The following PDE4D variants were observed in gnomAD, a reference collection of about 807,000 sequenced individuals.
PDE4D encodes the protein phosphodiesterase 4D, also known as 3',5'-cyclic-AMP phosphodiesterase 4D.
PDE4D carries 24 observed loss-of-function variants against 87.4 expected under a neutral mutation model. That is an observed-to-expected ratio of 0.27 (90% CI 0.20 to 0.39). PDE4D has a LOEUF of 0.39. PDE4D is among the 10% of genes least tolerant of loss of function. The pLI is 1.00. For missense variants in PDE4D, 714 were observed against 1,041.0 expected, an observed-to-expected ratio of 0.69 and a Z score of 4.32; for synonymous variants, 384 against 383.2, an observed-to-expected ratio of 1.00 and a Z score of -0.02.
At position 59,213,494 on chromosome 5, in the gene PDE4D, C is replaced by A. The variant is rs180869598; in HGVS notation, c.647+2283G>T. ...CAGCAACTACAGCTCCATCTTTAAA[C>A]CCTCTTTCCCCTTGAATTTTTAGTC... On this transcript the variant is annotated intron_variant, in intron 2 of 14. Transcript: ENST00000340635. 1.8e-3 allele frequency among the ~76,000 whole-genome samples: 267 copies of A among 152,210 alleles called. 1 individual carries two copies. Among genetic ancestry groups the A allele is most frequent in the African/African-American group, 6.3e-3 (261 of 41,542 alleles).
chr5:59,432,839 A>G (rs1172496963), intron 1 of PDE4D, among the ~76,000 whole-genome samples: 1 of 152,176 alleles, frequency 6.6e-6, no homozygotes, highest in East Asian at 1.9e-4. Flanking sequence ...CTCAATGCAA[A>G]GTTAGTAAAT....
In PDE4D at chr5:59,403,004, A is replaced by G. The variant is rs187144605; in HGVS notation, c.456-187036T>C. Among the ~76,000 whole-genome samples the G allele has an allele frequency of 7.7e-4, 118 of 152,296 alleles. 1 individual carries two copies. The highest frequency in any genetic ancestry group is 1.5e-3 in the Non-Finnish European group (103 of 68,024). ...GCCATAATTATGTTTTATTTATGGA[A>G]CAACTTTTTGTTTTTTCTGGAGTTA... On this transcript the variant is annotated intron_variant, in intron 1 of 14. Coordinates refer to ENST00000340635, the MANE Select transcript of PDE4D (RefSeq NM_001104631.2).
At chr5:59,202,875 T>C (rs767086356) in intron 2 of PDE4D, among the ~76,000 whole-genome samples, 9 of 152,338 alleles carry the variant, frequency 5.9e-5, no homozygotes, top group Non-Finnish European at 1.0e-4. Flanking sequence ...CTCAGATATG[T>C]CTTTATCAGC....
intron 6 of PDE4D, among the ~76,000 whole-genome samples, chr5:59,018,420 T>G (rs971199828): frequency 1.6e-4 from 25 of 152,232 alleles, no homozygotes; most frequent in Non-Finnish European, 2.9e-4. Flanking sequence ...TTTAGTACAT[T>G]GAGTTAATAT....
At chr5:58,993,117 T>C (rs111471386) in intron 7 of PDE4D, among the ~76,000 whole-genome samples, 2,129 of 152,190 alleles carry the variant, frequency 0.014, 50 homozygotes, top group African/African-American at 0.049. Context: ...TTTGGTACTA[T>C]GAAAAAATGG....
chr5:59,629,090 A>G (rs951126409), intron 1 of PDE4D, among the ~76,000 whole-genome samples: 2 of 152,166 alleles, frequency 1.3e-5, no homozygotes, highest in East Asian at 1.9e-4. Context: ...ATTACCTCCC[A>G]CTTGGTCCCT....
intron 1 of PDE4D, among the ~76,000 whole-genome samples, chr5:59,242,859 A>G (rs1581565703): frequency 1.3e-5 from 2 of 152,306 alleles, no homozygotes; most frequent in South Asian, 4.1e-4. Context: ...GAGCATCAAC[A>G]TAAGAATTCT....
intron 5 of PDE4D, among the ~76,000 whole-genome samples, chr5:59,123,677 A>T (rs945510596): frequency 1.6e-4 from 25 of 152,336 alleles, no homozygotes; most frequent in African/African-American, 5.8e-4. Flanking sequence ...AGACACCGTG[A>T]CATCTAACAC....
intron 1 of PDE4D, among the ~76,000 whole-genome samples, chr5:59,239,449 C>G (rs1757196288): frequency 1.3e-5 from 2 of 152,144 alleles, no homozygotes; most frequent in Non-Finnish European, 2.9e-5. Flanking sequence ...GTCCAGGGGA[C>G]CCAGCTGCCA....
At chr5:59,179,577 G>T in intron 5 of PDE4D, 1 of 380,064 alleles carries the variant, frequency 2.6e-6, no homozygotes, top group East Asian at 8.2e-5. Context: ...CAGAAAAGAT[G>T]ACATTAACAA....
intron 2 of PDE4D, among the ~76,000 whole-genome samples, chr5:60,025,867 G>A (rs1662437396): frequency 1.3e-5 from 2 of 152,290 alleles, no homozygotes; most frequent in South Asian, 4.1e-4. Flanking sequence ...GGGCAATACA[G>A]TGAGACCCTG....
intron 2 of PDE4D, among the ~76,000 whole-genome samples, chr5:59,991,572 T>C (rs1309015163): frequency 6.6e-6 from 1 of 152,078 alleles, no homozygotes; most frequent in Non-Finnish European, 1.5e-5. Flanking sequence ...TTAGTCTCCA[T>C]AGGGATAAAA....
chr5:60,107,963 T>C (rs896942160), intron 2 of PDE4D, among the ~76,000 whole-genome samples: 4 of 152,080 alleles, frequency 2.6e-5, no homozygotes, highest in East Asian at 1.9e-4. Flanking sequence ...CAGGGATGCC[T>C]TCTCTCACCA....
intron 1 of PDE4D, among the ~76,000 whole-genome samples, chr5:59,386,980 T>C (rs997248982): frequency 6.6e-6 from 1 of 152,164 alleles, no homozygotes; most frequent in Non-Finnish European, 1.5e-5. Flanking sequence ...AATCATAATA[T>C]TTGAATTAGG....
At chr5:59,641,120 T>C (rs1388062648) in intron 1 of PDE4D, among the ~76,000 whole-genome samples, 2 of 152,206 alleles carry the variant, frequency 1.3e-5, no homozygotes, top group Admixed American at 6.5e-5. Context: ...CTTCCTAGTT[T>C]ATTTTAGAAA....
At position 59,840,983 on chromosome 5, in the gene PDE4D, C is replaced by T. The variant is rs190458; in HGVS notation, c.455+52185G>A. Among the ~76,000 whole-genome samples the T allele has an allele frequency of 2.0e-5, 3 of 151,820 alleles. No individual in the cohort carries two copies. In the East Asian group the frequency reaches 5.8e-4, roughly 29 times the overall value. ...AGTAAGAGAGGTAAAATGTTTTGTC[C>T]CAAGGTGTAGCAAACACTGTTGGCT... On this transcript the variant is annotated intron_variant, in intron 1 of 14. Transcript: ENST00000340635.
chr5:60,253,170 G>C (rs112150550), intron 1 of PDE4D, among the ~76,000 whole-genome samples: 2,120 of 152,004 alleles, frequency 0.014, 24 homozygotes, highest in Middle Eastern at 0.034. Flanking sequence ...GCTGACGGCA[G>C]TTGCTCTGCA....
chr5:59,831,437 G>A (rs2152698074), intron 1 of PDE4D, among the ~76,000 whole-genome samples: 1 of 151,302 alleles, frequency 6.6e-6, no homozygotes, highest in African/African-American at 2.4e-5. Context: ...TTTTAATAAT[G>A]ATAACAACAA....
chr5:60,366,241 T>C (rs201875439), intron 1 of PDE4D, among the ~76,000 whole-genome samples: 6 of 152,110 alleles, frequency 3.9e-5, no homozygotes, highest in East Asian at 1.9e-4. Context: ...ATGCTTTTTT[T>C]CCCCATTTCT....
Sources: gnomAD v4.1 joint callset for allele counts (sites outside exome capture counted in the v4.1 genomes callset) on GRCh38, gnomAD v4.1.1 for gene constraint, MANE v1.5 for transcripts, NCBI Gene and HGNC (gene_info 2026-07-23, HGNC 2026-07-21) for gene names.